AGBL4: variants seen among roughly 807,000 people sequenced by gnomAD.
AGBL4 encodes cytosolic carboxypeptidase 6.
In AGBL4, 58 loss-of-function variants were observed where a neutral mutation model predicts 66.4. The observed-to-expected ratio is 0.87, with a 90% CI of 0.71 to 1.09. The LOEUF is 1.09. AGBL4 is among the 50% of genes least tolerant of loss of function. The probability of loss-of-function intolerance (pLI) is 0.00; values close to 1 mark genes in which losing one functional copy is unlikely to be tolerated. For missense variants in AGBL4, 579 were observed against 631.0 expected (o/e 0.92, Z 0.88); for synonymous variants, 234 against 222.9 (o/e 1.05, Z -0.44).
At chr1:49,784,682 T>C (rs1046809590) in intron 2 of AGBL4, among the ~76,000 whole-genome samples, 1 of 151,938 alleles carries the variant, frequency 6.6e-6, no homozygotes, top group Non-Finnish European at 1.5e-5. Context: ...CAACAAGTGA[T>C]ACTATGAAGA....
intron 3 of AGBL4, among the ~76,000 whole-genome samples, chr1:49,628,584 G>A (rs565771151): frequency 6.6e-6 from 1 of 152,184 alleles, no homozygotes; most frequent in African/African-American, 2.4e-5. Flanking sequence ...CCTACCCTGT[G>A]GTGTACTGTG....
At chr1:49,346,209 T>C (rs1645631190) in intron 3 of AGBL4, among the ~76,000 whole-genome samples, 1 of 152,216 alleles carries the variant, frequency 6.6e-6, no homozygotes, top group African/African-American at 2.4e-5. Context: ...AACTATGTTA[T>C]ACCTAGTATT....
chr1:49,913,878 G>C (rs1300407489), intron 1 of AGBL4, among the ~76,000 whole-genome samples: 1 of 152,190 alleles, frequency 6.6e-6, no homozygotes, highest in Admixed American at 6.5e-5. Flanking sequence ...GCAAGAAGTA[G>C]ACTCTCAAGG....
chr1:49,827,412 G>A (rs1336233671), intron 2 of AGBL4, among the ~76,000 whole-genome samples: 1 of 152,108 alleles, frequency 6.6e-6, no homozygotes, highest in Non-Finnish European at 1.5e-5. Flanking sequence ...AAAGTTTTAA[G>A]GTCAAAAGGG....
At chr1:49,006,459 C>T (rs1052662703) in intron 5 of AGBL4, among the ~76,000 whole-genome samples, 1 of 152,190 alleles carries the variant, frequency 6.6e-6, no homozygotes, top group Non-Finnish European at 1.5e-5. Flanking sequence ...GAGGGGCGCC[C>T]GCCATTGCCC....
chr1:49,583,631 T>C (rs1014708092), intron 3 of AGBL4, among the ~76,000 whole-genome samples: 8 of 152,088 alleles, frequency 5.3e-5, no homozygotes, highest in Non-Finnish European at 1.0e-4. Context: ...ATAAATGAAT[T>C]GTAGGGCACA....
intron 3 of AGBL4, among the ~76,000 whole-genome samples, chr1:49,491,041 A>C (rs1026812624): frequency 1.3e-5 from 2 of 151,740 alleles, no homozygotes; most frequent in African/African-American, 2.4e-5. Flanking sequence ...TTAAATATAC[A>C]TACCATGTCT....
chr1:49,512,559 C>A (rs561535747), intron 3 of AGBL4, among the ~76,000 whole-genome samples: 1 of 151,864 alleles, frequency 6.6e-6, no homozygotes, highest in East Asian at 1.9e-4. Flanking sequence ...CCCCCTCTTT[C>A]CTACTTCACC....
intron 1 of AGBL4, among the ~76,000 whole-genome samples, chr1:49,893,418 T>C (rs1322909593): frequency 1.3e-5 from 2 of 152,206 alleles, no homozygotes; most frequent in African/African-American, 4.8e-5. Flanking sequence ...AAGTAGGCTC[T>C]TGAGGGACCC....
chr1:48,924,397 A>G (rs1290843517), intron 5 of AGBL4, among the ~76,000 whole-genome samples: 1 of 152,120 alleles, frequency 6.6e-6, no homozygotes, highest in African/African-American at 2.4e-5. Context: ...AACTTCCCCC[A>G]GCTCCCAGTA....
intron 3 of AGBL4, among the ~76,000 whole-genome samples, chr1:49,361,551 C>A (rs1644135258): frequency 1.3e-5 from 2 of 152,232 alleles, no homozygotes; most frequent in South Asian, 4.1e-4. Flanking sequence ...GCCTCAAACT[C>A]CTGAGCTCAG....
the AGBL4 span, among the ~76,000 whole-genome samples, chr1:48,526,849 G>A: frequency 6.6e-6 from 1 of 152,136 alleles, no homozygotes; most frequent in Non-Finnish European, 1.5e-5. Context: ...CTGTGAAAAA[G>A]AATTTAGCTT....
At chr1:49,683,027 C>T (rs919950838) in intron 3 of AGBL4, among the ~76,000 whole-genome samples, 1 of 152,170 alleles carries the variant, frequency 6.6e-6, no homozygotes, top group Non-Finnish European at 1.5e-5. Flanking sequence ...AGGTCTTAGA[C>T]TGATGTTTGC....
intron 3 of AGBL4, among the ~76,000 whole-genome samples, chr1:49,681,871 C>T (rs1004778245): frequency 5.9e-5 from 9 of 152,046 alleles, no homozygotes; most frequent in African/African-American, 1.9e-4. Context: ...AGAGTAAATG[C>T]CATGCCTTTT....
intron 6 of AGBL4, among the ~76,000 whole-genome samples, chr1:48,843,162 G>A (rs2148798702): frequency 6.6e-6 from 1 of 152,122 alleles, no homozygotes; most frequent in East Asian, 1.9e-4. Context: ...GGTTAAAATG[G>A]TAAAACAATA....
chr1:49,428,604 G>T (rs1415037043), intron 3 of AGBL4, among the ~76,000 whole-genome samples: 1 of 152,226 alleles, frequency 6.6e-6, no homozygotes, highest in Admixed American at 6.5e-5. Context: ...CTTCCATCCA[G>T]ATCCTTCTCA....
intron 3 of AGBL4, among the ~76,000 whole-genome samples, chr1:49,286,212 T>C (rs376375000): frequency 2.1e-4 from 32 of 152,196 alleles, no homozygotes; most frequent in East Asian, 1.7e-3. Context: ...GGACATATCT[T>C]AAAATAATAA....
intron 3 of AGBL4, among the ~76,000 whole-genome samples, chr1:49,321,371 CAAT>C (rs1645130054): frequency 6.6e-6 from 1 of 152,114 alleles, no homozygotes; most frequent in African/African-American, 2.4e-5. Context: ...TAAATTAAAA[CAAT>C]GAGATGCCCT....
intron 3 of AGBL4, chr1:49,527,598 A>C (rs1311683884): frequency 1.3e-5 from 2 of 152,668 alleles, no homozygotes; most frequent in East Asian, 3.9e-4. Context: ...GTTATCAATA[A>C]GATTTCCTGT....
Sources: gnomAD v4.1 joint callset for allele counts (sites outside exome capture counted in the v4.1 genomes callset) on GRCh38, gnomAD v4.1.1 for gene constraint, MANE v1.5 for transcripts, NCBI Gene and HGNC (gene_info 2026-07-23, HGNC 2026-07-21) for gene names.